XPO1: variants seen among roughly 807,000 people sequenced by gnomAD.
XPO1 encodes exportin-1.
In XPO1, 5 loss-of-function variants were observed where a neutral mutation model predicts 133.3. The observed-to-expected ratio is 0.04, with a 90% confidence interval of 0.02 to 0.08. The LOEUF (loss-of-function observed/expected upper bound fraction) is 0.08. Among genes scored for constraint, XPO1 ranks in the 10% least tolerant of loss-of-function variants. The pLI, the probability that XPO1 is intolerant of heterozygous loss-of-function variation, is 1.00. For missense variants in XPO1, 506 were observed against 1,267.5 expected (o/e 0.40, Z 9.12); for synonymous variants, 419 against 408.2 (o/e 1.03, Z -0.32).
At chr2:61,528,309 C>G (rs1249184793) in intron 2 of XPO1, among the ~76,000 whole-genome samples, 1 of 151,956 alleles carries the variant, frequency 6.6e-6, no homozygotes. Flanking sequence ...TAGGGTTGTA[C>G]GGCTACCAAA....
Position 61,514,082 on chromosome 2 carries a change from G to A in XPO1, c.301+8529C>T, listed in dbSNP as rs1011014814. ...CATACCTGTAATCCCAGCTACTCAG[G>A]AGACTGAGACAGGAGAATCGCTTGA... On this transcript the variant is annotated intron_variant, in intron 4 of 24. Coordinates refer to ENST00000401558, the MANE Select transcript of XPO1 (RefSeq NM_003400.4). 2.6e-5 allele frequency among the ~76,000 whole-genome samples: 4 copies of A among 151,862 alleles called. No homozygotes were observed. The South Asian group carries it at 8.3e-4, about 32-fold the overall frequency.
In XPO1 at chr2:61,495,622, T is replaced by G. The variant is rs1301242212; in HGVS notation, c.889-9A>C. 1 of 1,551,252 alleles carries G rather than the reference T, an allele frequency of 6.4e-7. No individual in the cohort carries two copies. The highest frequency in any genetic ancestry group is 8.7e-7 in the Non-Finnish European group (1 of 1,145,810). On this transcript the variant is annotated splice_polypyrimidine_tract_variant and intron_variant, in intron 10 of 24. Coordinates refer to ENST00000401558, the MANE Select transcript of XPO1 (RefSeq NM_003400.4). ...GTATTTAAAGGAAGCATCTGCAAAT[T>G]TTAAAAGGGACGATCAGTTCGCATT...
chr2:61,496,394 T>C (rs1366105350), intron 10 of XPO1, among the ~76,000 whole-genome samples: 2 of 152,010 alleles, frequency 1.3e-5, no homozygotes, highest in African/African-American at 4.8e-5. Context: ...AAATCTTTCG[T>C]AGGTATGGTC....
intron 2 of XPO1, among the ~76,000 whole-genome samples, chr2:61,527,549 G>A (rs1698961386): frequency 6.6e-6 from 1 of 152,114 alleles, no homozygotes; most frequent in African/African-American, 2.4e-5. Context: ...AGGACACTCT[G>A]CTTTACAAGA....
chr2:61,532,251 C>T (rs951484853), intron 2 of XPO1, among the ~76,000 whole-genome samples: 11 of 152,046 alleles, frequency 7.2e-5, no homozygotes, highest in Non-Finnish European at 1.2e-4. Context: ...CCTCAGCCTC[C>T]CGAGTAGCTG....
rs373745600 is a variant in XPO1, at chr2:61,495,596, G to A, written c.906C>T (p.Thr302=). Residue 302 remains threonine, a synonymous_variant, in exon 11 of 25, where the codon ACC becomes ACT. Coordinates refer to ENST00000401558, the MANE Select transcript of XPO1 (RefSeq NM_003400.4). ...MQLKQMLPLN[T]NIRLAYSNGK... is the part of the protein sequence containing the mutation. ...CATTTGAGTACGCAAGTCGAATATTGGTATTTAAAGGAAGCATCTGCAAAT... is the reference window on the plus strand; with the variant it reads ...CATTTGAGTACGCAAGTCGAATATTAGTATTTAAAGGAAGCATCTGCAAAT... 1.9e-6 allele frequency: 3 copies of A among 1,565,192 alleles called. No homozygotes were observed. Among genetic ancestry groups the A allele is most frequent in the African/African-American group, 2.7e-5 (2 of 73,348 alleles).
At chr2:61,534,928 A>G (rs572902971) in intron 1 of XPO1, among the ~76,000 whole-genome samples, 5 of 152,366 alleles carry the variant, frequency 3.3e-5, no homozygotes, top group Non-Finnish European at 7.3e-5. Flanking sequence ...TCTAGGAAAA[A>G]AAACTTTATG....
chr2:61,488,376 G>A, intron 18 of XPO1, 105 bp from the exon 19 acceptor site: 1 of 1,300,420 alleles, frequency 7.7e-7, no homozygotes, highest in Non-Finnish European at 1.1e-6. Context: ...AAAGTTTAAA[G>A]CCAAAAGTTC....
intron 6 of XPO1, among the ~76,000 whole-genome samples, chr2:61,500,382 C>G (rs1697445108): frequency 6.6e-6 from 1 of 151,834 alleles, no homozygotes; most frequent in South Asian, 2.1e-4. Context: ...AGTTCAAGAC[C>G]AGCCTGGCCA....
intron 21 of XPO1, 141 bp downstream of exon 21, chr2:61,483,796 C>T (rs965876571): frequency 3.2e-6 from 3 of 947,434 alleles, no homozygotes; most frequent in African/African-American, 3.3e-5. Context: ...GATTAAACTG[C>T]TTATAGGATT....
chr2:61,479,288 G>A (rs1180567685), intron 24 of XPO1, among the ~76,000 whole-genome samples: 1 of 151,914 alleles, frequency 6.6e-6, no homozygotes, highest in Non-Finnish European at 1.5e-5. Flanking sequence ...GTGAAACCCT[G>A]TCATTACTAA....
chr2:61,481,044 G>T lies in XPO1; in HGVS notation c.3069+141C>A, dbSNP rs1334870395. The T allele has an allele frequency of 2.5e-5, 12 of 489,702 alleles. No individual in the cohort carries two copies. In the East Asian group the frequency reaches 4.0e-4, roughly 16 times the overall value. 30.3% of individuals were successfully genotyped at this position (489,702 alleles called of 1,614,324 possible). On this transcript the variant is annotated intron_variant, in intron 24 of 24. Transcript: ENST00000401558. ...CTGTATTACCAGTCTCAGGTTTTTT[G>T]ATTACAGAGATTGTGTAAACGTATT...
At chr2:61,527,995 C>T (rs987841381) in intron 2 of XPO1, among the ~76,000 whole-genome samples, 2 of 151,128 alleles carry the variant, frequency 1.3e-5, no homozygotes, top group Non-Finnish European at 2.9e-5. Context: ...GGCAGGATCT[C>T]GACTCACTGC....
At position 61,492,519 on chromosome 2, in the gene XPO1, A is replaced by G; in HGVS notation, c.1567-38T>C. ...CAAATTTGTATTATTTATTGTAACAACATAATACTTATTTAGCAATTCTAA... is the reference window on the plus strand; with the variant it reads ...CAAATTTGTATTATTTATTGTAACAGCATAATACTTATTTAGCAATTCTAA... On this transcript the variant is annotated intron_variant, in intron 14 of 24. Transcript: ENST00000401558. The surrounding 1 kb of genome is among the most constrained non-coding windows in gnomAD (Gnocchi z 5.6). 6.3e-7 allele frequency: 1 copy of G among 1,594,126 alleles called. No individual in the cohort carries two copies.
chr2:61,493,884 G>A lies in XPO1; in HGVS notation c.1245+10C>T, dbSNP rs1558640995. ...CAACAGGAAGAACACTCAACCAACC[G>A]CTCTGTTACCTTGAATAACATGGGC... On this transcript the variant is annotated intron_variant, in intron 12 of 24. Transcript: ENST00000401558. 8.1e-6 allele frequency: 13 copies of A among 1,613,782 alleles called. No homozygotes were observed. The highest frequency in any genetic ancestry group is 2.2e-5 in the East Asian group (1 of 44,870).
intron 4 of XPO1, among the ~76,000 whole-genome samples, chr2:61,518,640 G>A (rs1698530964): frequency 6.7e-6 from 1 of 150,022 alleles, no homozygotes. Context: ...CACAAAAACA[G>A]ACCAAAAAAA....
chr2:61,496,667 C>T (rs1024585472), intron 10 of XPO1, among the ~76,000 whole-genome samples: 3 of 152,100 alleles, frequency 2.0e-5, no homozygotes, highest in Admixed American at 1.3e-4. Context: ...CTAAAGTGTG[C>T]AGAAATAAAT....
At chr2:61,482,327 G>T (rs1416677599) in intron 23 of XPO1, 53 bp downstream of exon 23, 2 of 1,506,458 alleles carry the variant, frequency 1.3e-6, no homozygotes, top group South Asian at 2.6e-5. Flanking sequence ...TTACAGGTGT[G>T]AGCCACTGTG....
chr2:61,480,432 A>G (rs1696289335), intron 24 of XPO1: 1 of 151,496 alleles, frequency 6.6e-6, no homozygotes, highest in Non-Finnish European at 1.5e-5. Flanking sequence ...GCTGTGCGCC[A>G]CCACGCCTGG....
Sources: allele counts gnomAD v4.1 joint callset (sites outside exome capture counted in the v4.1 genomes callset), GRCh38; gene constraint gnomAD v4.1.1; non-coding constraint Gnocchi (gnomAD v3.1); transcripts MANE v1.5; gene names NCBI Gene and HGNC (gene_info 2026-07-23, HGNC 2026-07-21).